The following ATP8B4 variants were observed in gnomAD, a reference collection of about 807,000 sequenced individuals.
ATP8B4 encodes the protein ATPase phospholipid transporting 8B4 (putative), also known as probable phospholipid-transporting ATPase IM.
ATP8B4 carries 133 observed loss-of-function variants against 145.6 expected under a neutral mutation model. The observed-to-expected ratio is 0.91, with a 90% CI of 0.79 to 1.05. The LOEUF is 1.05. Ranked by LOEUF, ATP8B4 falls within the 50% of genes least tolerant of loss-of-function variation. The pLI, the probability that ATP8B4 is intolerant of heterozygous loss-of-function variation, is 0.00. For synonymous variants in ATP8B4, 507 were observed against 492.9 expected (o/e 1.03, Z -0.38); for missense variants, 1,458 against 1,425.2 (o/e 1.02, Z -0.37).
chr15:50,169,165 T>C (rs951719346), intron 1 of ATP8B4, among the ~76,000 whole-genome samples: 2 of 152,148 alleles, frequency 1.3e-5, no homozygotes, highest in Non-Finnish European at 2.9e-5. Context: ...CCAGTCCGTC[T>C]CCACACTACT....
intron 1 of ATP8B4, among the ~76,000 whole-genome samples, chr15:50,116,585 G>A (rs984920401): frequency 5.3e-5 from 8 of 152,176 alleles, no homozygotes; most frequent in Non-Finnish European, 1.0e-4. Context: ...GGGAATGAAT[G>A]ACCTCACCCA....
chr15:50,019,364 A>T (rs1429748013), intron 6 of ATP8B4, among the ~76,000 whole-genome samples: 2 of 152,218 alleles, frequency 1.3e-5, no homozygotes, highest in Non-Finnish European at 2.9e-5. Context: ...ACCGGCTCTT[A>T]TCAACCCCTC....
intron 6 of ATP8B4, among the ~76,000 whole-genome samples, chr15:50,028,279 G>T (rs2050162508): frequency 6.6e-6 from 1 of 151,956 alleles, no homozygotes; most frequent in African/African-American, 2.4e-5. Context: ...TTCCAGTATT[G>T]CACATCTGAT....
intron 3 of ATP8B4, among the ~76,000 whole-genome samples, chr15:50,060,639 C>A (rs1356334890): frequency 6.6e-6 from 1 of 152,168 alleles, no homozygotes; most frequent in East Asian, 1.9e-4. Context: ...CCCGCCCCGC[C>A]CCCACCACCA....
chr15:50,063,263 C>T (rs920552308), intron 3 of ATP8B4, among the ~76,000 whole-genome samples: 1 of 151,850 alleles, frequency 6.6e-6, no homozygotes, highest in African/African-American at 2.4e-5. Flanking sequence ...AGTGATAAGA[C>T]GCATGGCCAT....
chr15:49,957,179 A>G (rs1249171648), intron 14 of ATP8B4, among the ~76,000 whole-genome samples: 1 of 152,168 alleles, frequency 6.6e-6, no homozygotes, highest in Non-Finnish European at 1.5e-5. Context: ...TACTATTAAG[A>G]AAAATATTAG....
At chr15:49,940,413 G>A (rs911525590) in intron 14 of ATP8B4, among the ~76,000 whole-genome samples, 1 of 152,054 alleles carries the variant, frequency 6.6e-6, no homozygotes, top group African/African-American at 2.4e-5. Flanking sequence ...GGTAGGGAGT[G>A]GGGTAAGGGT....
At chr15:50,179,036 A>G (rs1191984542) in intron 1 of ATP8B4, among the ~76,000 whole-genome samples, 4 of 152,206 alleles carry the variant, frequency 2.6e-5, no homozygotes, top group African/African-American at 9.6e-5. Flanking sequence ...TCAGGGGTGG[A>G]AAGTGGTAAG....
intron 2 of ATP8B4, among the ~76,000 whole-genome samples, chr15:50,078,266 G>A (rs752483370): frequency 1.3e-5 from 2 of 150,860 alleles, no homozygotes; most frequent in South Asian, 2.1e-4. Flanking sequence ...CTGCAGTCTC[G>A]AACTCCTGGG....
intron 3 of ATP8B4, among the ~76,000 whole-genome samples, chr15:50,054,649 T>C (rs1431842547): frequency 6.6e-6 from 1 of 151,660 alleles, no homozygotes; most frequent in Non-Finnish European, 1.5e-5. Context: ...CCGTGTGTGG[T>C]GGCAGGTGCC....
At chr15:50,166,202 T>C (rs906365163) in intron 1 of ATP8B4, among the ~76,000 whole-genome samples, 7 of 152,088 alleles carry the variant, frequency 4.6e-5, no homozygotes, top group African/African-American at 1.7e-4. Context: ...AAATGAAAGA[T>C]AAAGACTTTA....
chr15:49,910,741 C>T (rs1481529076), intron 20 of ATP8B4, among the ~76,000 whole-genome samples: 1 of 151,948 alleles, frequency 6.6e-6, no homozygotes, highest in African/African-American at 2.4e-5. Flanking sequence ...AATACTATAC[C>T]CAGCAAAGTT....
intron 16 of ATP8B4, among the ~76,000 whole-genome samples, chr15:49,924,729 T>A (rs1280789017): frequency 6.6e-6 from 1 of 152,206 alleles, no homozygotes; most frequent in Non-Finnish European, 1.5e-5. Context: ...CTAGGTCTTG[T>A]CTTCTGTTTT....
rs556803864 is a variant in ATP8B4 at position 49,910,549 on chromosome 15, T to C, written c.2141+6385A>G. On this transcript the variant is annotated intron_variant, in intron 20 of 27. Transcript: ENST00000284509. ...AGGTTTTCTCTGTGATACATTATAG[T>C]CAAACTGTCTAAAGTCAATGACAAT... Among the ~76,000 whole-genome samples, 3 of 152,272 alleles carry C rather than the reference T, an allele frequency of 2.0e-5. No homozygotes were observed. In the South Asian group the frequency reaches 6.2e-4, roughly 32 times the overall value.
intron 2 of ATP8B4, among the ~76,000 whole-genome samples, chr15:50,084,245 C>A (rs2054747241): frequency 6.6e-6 from 1 of 152,124 alleles, no homozygotes; most frequent in African/African-American, 2.4e-5. Flanking sequence ...CTCAGCTGTT[C>A]CTTCTAATAT....
intron 15 of ATP8B4, 47 bp downstream of exon 15, chr15:49,933,969 TA>T (rs771654465): frequency 2.1e-6 from 3 of 1,460,174 alleles, no homozygotes; most frequent in Non-Finnish European, 1.8e-6. Flanking sequence ...GTTTCAATTT[TA>T]AAAAACAAAA....
intron 26 of ATP8B4, among the ~76,000 whole-genome samples, chr15:49,863,809 T>C (rs552876637): frequency 2.6e-5 from 4 of 151,988 alleles, no homozygotes; most frequent in African/African-American, 9.7e-5. Context: ...TGCTAGCTAC[T>C]AAGGAAAAAA....
At chr15:50,040,539 A>C (rs2051195499) in intron 5 of ATP8B4, among the ~76,000 whole-genome samples, 1 of 152,242 alleles carries the variant, frequency 6.6e-6, no homozygotes, top group Admixed American at 6.5e-5. Context: ...AACATCACAA[A>C]AGGTGAAAGC....
At chr15:49,901,378 G>T (rs2038014247) in intron 20 of ATP8B4, 139 bp from the exon 21 acceptor site, 3 of 885,796 alleles carry the variant, frequency 3.4e-6, no homozygotes, top group Non-Finnish European at 3.3e-6. Context: ...GTTTCAGTAA[G>T]CAAGCTGGAT....
Sources: allele counts gnomAD v4.1 joint callset (sites outside exome capture counted in the v4.1 genomes callset), GRCh38; gene constraint gnomAD v4.1.1; transcripts MANE v1.5; gene names NCBI Gene and HGNC (gene_info 2026-07-23, HGNC 2026-07-21).